The following ADAMTS19 variants were observed in gnomAD, a reference collection of about 807,000 sequenced individuals.
The protein encoded by ADAMTS19 is ADAM metallopeptidase with thrombospondin type 1 motif 19.
In ADAMTS19, 93 loss-of-function variants were observed where a neutral mutation model predicts 153.3. The ratio of observed to expected loss-of-function variants is 0.61; its 90% CI spans 0.51 to 0.72. The LOEUF (loss-of-function observed/expected upper bound fraction) is 0.72. Among genes scored for constraint, ADAMTS19 ranks in the 30% least tolerant of loss-of-function variants. The pLI, the probability that ADAMTS19 is intolerant of heterozygous loss-of-function variation, is 0.00. For synonymous variants in ADAMTS19, 600 were observed against 556.6 expected, an observed-to-expected ratio of 1.08 and a Z score of -1.10; for missense variants, 1,482 against 1,552.1, an observed-to-expected ratio of 0.95 and a Z score of 0.76.
intron 21 of ADAMTS19, among the ~76,000 whole-genome samples, chr5:129,707,896 G>A (rs1298420144): frequency 6.6e-6 from 1 of 152,142 alleles, no homozygotes; most frequent in African/African-American, 2.4e-5. Flanking sequence ...TAATATAGAT[G>A]AGTCCCTGGG....
chr5:129,584,320 A>C (rs1272555480), intron 7 of ADAMTS19, among the ~76,000 whole-genome samples: 2 of 152,178 alleles, frequency 1.3e-5, no homozygotes, highest in East Asian at 3.9e-4. Flanking sequence ...CTCCTGTATG[A>C]GGTGTCTGTC....
chr5:129,615,249 A>G lies in ADAMTS19; in HGVS notation c.1479-5369A>G, dbSNP rs568081119. Among the ~76,000 whole-genome samples the G allele has an allele frequency of 1.8e-4, 28 of 152,198 alleles. No homozygotes were observed. In the South Asian group the frequency reaches 2.1e-3, roughly 11 times the overall value. ...GCCAAGACAACCCTAAGCCAAAAGA[A>G]TGGAAGGTATTCTAATGGAAAGGAA... On this transcript the variant is annotated intron_variant, in intron 8 of 22. Coordinates refer to ENST00000274487, the MANE Select transcript of ADAMTS19 (RefSeq NM_133638.6).
At chr5:129,642,030 G>T in intron 11 of ADAMTS19, 70 bp downstream of exon 11, 1 of 895,604 alleles carries the variant, frequency 1.1e-6, no homozygotes, top group Non-Finnish European at 1.7e-6. Flanking sequence ...CATTTTCTCT[G>T]CCAGTTACAT....
chr5:129,475,510 T>C (rs1237593783), intron 2 of ADAMTS19, among the ~76,000 whole-genome samples: 1 of 152,220 alleles, frequency 6.6e-6, no homozygotes, highest in African/African-American at 2.4e-5. Flanking sequence ...GAAATTTAAG[T>C]CCTTTAATTT....
intron 8 of ADAMTS19, among the ~76,000 whole-genome samples, chr5:129,611,937 T>G (rs967729047): frequency 5.9e-5 from 9 of 152,188 alleles, no homozygotes; most frequent in East Asian, 1.9e-4. Context: ...GGGGCTAATA[T>G]TCAACATTCT....
intron 8 of ADAMTS19, among the ~76,000 whole-genome samples, chr5:129,618,512 C>A (rs1751630812): frequency 6.6e-6 from 1 of 151,794 alleles, no homozygotes; most frequent in Non-Finnish European, 1.5e-5. Flanking sequence ...TTATCTTCTT[C>A]CTTCAAAAAC....
intron 7 of ADAMTS19, among the ~76,000 whole-genome samples, chr5:129,574,678 A>G (rs934817908): frequency 6.6e-6 from 1 of 152,106 alleles, no homozygotes; most frequent in Non-Finnish European, 1.5e-5. Flanking sequence ...AGGCAAAATT[A>G]ATTTATAATA....
At chr5:129,708,314 C>G (rs1238194087) in intron 21 of ADAMTS19, among the ~76,000 whole-genome samples, 1 of 152,098 alleles carries the variant, frequency 6.6e-6, no homozygotes, top group African/African-American at 2.4e-5. Flanking sequence ...TTAACTTACA[C>G]AATTATATGC....
intron 2 of ADAMTS19, among the ~76,000 whole-genome samples, chr5:129,482,162 T>A (rs978561547): frequency 6.6e-6 from 1 of 152,196 alleles, no homozygotes; most frequent in African/African-American, 2.4e-5. Context: ...GACCTCAGCC[T>A]TCTAGTACTT....
chr5:129,589,456 A>C (rs777094318), intron 7 of ADAMTS19, among the ~76,000 whole-genome samples: 2 of 152,214 alleles, frequency 1.3e-5, no homozygotes, highest in Non-Finnish European at 2.9e-5. Flanking sequence ...ATATGTATAC[A>C]CACAAGTACA....
intron 10 of ADAMTS19, among the ~76,000 whole-genome samples, chr5:129,638,729 G>C (rs563570466): frequency 3.6e-4 from 55 of 152,108 alleles, no homozygotes; most frequent in African/African-American, 1.3e-3. Flanking sequence ...GAGTAATGCA[G>C]GGAAAAGAAG....
chr5:129,714,405 G>A (rs1250492737), intron 21 of ADAMTS19, among the ~76,000 whole-genome samples: 3 of 119,880 alleles, frequency 2.5e-5, no homozygotes, highest in Admixed American at 1.0e-4. Context: ...CGGCCTGGGC[G>A]ACAGAGCGAG....
At chr5:129,573,029 C>T (rs1753968554) in intron 7 of ADAMTS19, among the ~76,000 whole-genome samples, 1 of 152,052 alleles carries the variant, frequency 6.6e-6, no homozygotes, top group Admixed American at 6.6e-5. Context: ...ACGTTGTGCC[C>T]TTTGCAAAGG....
At chr5:129,573,125 T>C (rs1389714261) in intron 7 of ADAMTS19, among the ~76,000 whole-genome samples, 1 of 152,056 alleles carries the variant, frequency 6.6e-6, no homozygotes, top group Admixed American at 6.6e-5. Flanking sequence ...AATCCTTCCA[T>C]GAACTTGAGA....
chr5:129,606,860 C>T (rs983079340), intron 8 of ADAMTS19, among the ~76,000 whole-genome samples: 29 of 152,182 alleles, frequency 1.9e-4, no homozygotes, highest in African/African-American at 6.7e-4. Flanking sequence ...TTATCACTTT[C>T]GTGAAAGTAA....
chr5:129,648,801 A>T lies in ADAMTS19; in HGVS notation c.2007A>T (p.Leu669=), dbSNP rs1753184256. The T allele has an allele frequency of 1.1e-5, 17 of 1,612,416 alleles. No individual in the cohort carries two copies. The highest frequency in any genetic ancestry group is 1.4e-5 in the Non-Finnish European group (17 of 1,179,522). ...ISSRERKCPG[L]DSEARDCNGP... ...TTATTTGTACTTTCTTTTCTAGGCT[A>T]GATTCTGAAGCAAGGGATTGTAATG... Residue 669 remains leucine, a synonymous_variant, in exon 13 of 23, where the codon CTA becomes CTT. Coordinates refer to ENST00000274487, the MANE Select transcript of ADAMTS19 (RefSeq NM_133638.6).
intron 21 of ADAMTS19, among the ~76,000 whole-genome samples, chr5:129,730,314 T>G (rs529305415): frequency 6.6e-6 from 1 of 152,224 alleles, no homozygotes; most frequent in Admixed American, 6.5e-5. Flanking sequence ...AACATCCTAG[T>G]TTGTTGTTCT....
At chr5:129,494,939 C>T (rs1345724246) in intron 2 of ADAMTS19, among the ~76,000 whole-genome samples, 2 of 152,022 alleles carry the variant, frequency 1.3e-5, no homozygotes, top group Non-Finnish European at 2.9e-5. Flanking sequence ...GAGTAAAAAA[C>T]CATGGGTGCA....
In ADAMTS19 at chr5:129,461,328, G is replaced by A. The variant is rs1749647218; in HGVS notation, c.318G>A (p.Glu106=). Reference sequence around the variant, plus strand: ...AGGAGCCCGTGGAGGGCCGATCAGAGTCCCGGCTCCGGCCCCCGCCGCCGT... The same window carrying A: ...AGGAGCCCGTGGAGGGCCGATCAGAATCCCGGCTCCGGCCCCCGCCGCCGT... ...PLEEPVEGRS[E]SRLRPPPPSE... Residue 106 remains glutamate (E), a synonymous_variant, in exon 2 of 23, where the codon GAG becomes GAA. Coordinates refer to ENST00000274487, the MANE Select transcript of ADAMTS19 (RefSeq NM_133638.6). The surrounding 1 kb of genome is among the most constrained non-coding windows in gnomAD (Gnocchi z 4.6). 1 of 1,332,646 alleles carries A rather than the reference G, an allele frequency of 7.5e-7. No homozygotes were observed. The highest frequency in any genetic ancestry group is 9.5e-7 in the Non-Finnish European group (1 of 1,050,596). The allele number at this position is 1,332,646 out of a possible 1,614,324, so 82.6% of individuals were successfully genotyped here.
Sources: gnomAD v4.1 joint callset for allele counts (sites outside exome capture counted in the v4.1 genomes callset) on GRCh38, gnomAD v4.1.1 for gene constraint, Gnocchi (gnomAD v3.1) non-coding constraint, MANE v1.5 for transcripts, NCBI Gene and HGNC (gene_info 2026-07-23, HGNC 2026-07-21) for gene names.